CCL17: variants seen among roughly 807,000 people sequenced by gnomAD.
The protein encoded by CCL17 is C-C motif chemokine 17.
In CCL17, 8 loss-of-function variants were observed where a neutral mutation model predicts 7.4. The ratio of observed to expected loss-of-function variants is 1.09; its 90% confidence interval spans 0.64 to 1.96. CCL17 has a LOEUF of 1.96. Among genes scored for constraint, CCL17 ranks in the 30% most tolerant of loss-of-function variants. CCL17 has a pLI of 0.00. For missense variants in CCL17, 102 were observed against 113.0 expected (o/e 0.90, Z 0.44); for synonymous variants, 40 against 46.1 (o/e 0.87, Z 0.54).
upstream of CCL17, among the ~76,000 whole-genome samples, chr16:57,403,715 G>C (rs541203307): frequency 1.1e-3 from 140 of 128,568 alleles, no homozygotes; most frequent in Middle Eastern, 7.4e-3. Context: ...GGAGTGTAGT[G>C]GTGTGATCTT....
At chr16:57,397,344 G>A in the CCL17 span, among the ~76,000 whole-genome samples, 1 of 152,180 alleles carries the variant, frequency 6.6e-6, no homozygotes. Context: ...TTTTCCACTG[G>A]CTGCCCTCTT....
At chr16:57,398,782 T>G in the CCL17 span, among the ~76,000 whole-genome samples, 1 of 152,238 alleles carries the variant, frequency 6.6e-6, no homozygotes, top group South Asian at 2.1e-4. Flanking sequence ...AGTAGCCTGC[T>G]GGCATGAGGC....
In CCL17 at chr16:57,415,819, G is replaced by A; in HGVS notation, c.243G>A (p.Val81=). ...AICSDPNNKR[V]KNAVKYLQSL... Reference sequence around the variant, plus strand: ...GTTCGGACCCCAACAACAAGAGAGTGAAGAATGCAGTTAAATACCTGCAAA... The same window carrying A: ...GTTCGGACCCCAACAACAAGAGAGTAAAGAATGCAGTTAAATACCTGCAAA... The change falls in exon 4 of 4, where the codon GTG becomes GTA. Residue 81 remains valine, a synonymous_variant. Coordinates refer to ENST00000219244, the MANE Select transcript of CCL17 (RefSeq NM_002987.3). This position sits in a 1 kb window ranked among gnomAD's most constrained non-coding sequence, Gnocchi z 4.5. The A allele has an allele frequency of 6.2e-7, 1 of 1,613,536 alleles. No homozygotes were observed. Among genetic ancestry groups the A allele is most frequent in the East Asian group, 2.2e-5 (1 of 44,872 alleles).
chr16:57,398,085 G>A, the CCL17 span, among the ~76,000 whole-genome samples: 1 of 152,080 alleles, frequency 6.6e-6, no homozygotes, highest in Non-Finnish European at 1.5e-5. Flanking sequence ...TGAAGCACCG[G>A]TCCCTCAAGG....
At chr16:57,403,562 TAA>T (rs1902644519), upstream of CCL17, among the ~76,000 whole-genome samples, 2 of 49,118 alleles carry the variant, frequency 4.1e-5, no homozygotes, top group Non-Finnish European at 7.0e-5. Context: ...TATATATATA[TAA>T]TATATATTTA....
intron 2 of CCL17, 90 bp downstream of exon 2, chr16:57,414,092 G>A (rs1298118106): frequency 3.0e-6 from 3 of 1,006,162 alleles, no homozygotes; most frequent in Non-Finnish European, 2.9e-6. Flanking sequence ...ACACGTTTGT[G>A]TATTATTTAC....
intron 2 of CCL17, 121 bp from the exon 3 acceptor site, chr16:57,414,960 A>T: frequency 4.2e-6 from 3 of 722,416 alleles, no homozygotes; most frequent in South Asian, 1.5e-5. Context: ...ACATGCAGTC[A>T]TCACACACAG....
chr16:57,408,873 C>A (rs890454982), intron 1 of CCL17, among the ~76,000 whole-genome samples: 2 of 152,068 alleles, frequency 1.3e-5, no homozygotes, highest in East Asian at 3.9e-4. Flanking sequence ...TGCGCCTGGT[C>A]ATTTTTTTGC....
chr16:57,403,592 AT>A (rs1448644129), upstream of CCL17, among the ~76,000 whole-genome samples: 2 of 63,432 alleles, frequency 3.2e-5, no homozygotes, highest in Non-Finnish European at 5.6e-5. Context: ...TATAATATAT[AT>A]TTATAATATA....
At chr16:57,397,317 G>C in the CCL17 span, among the ~76,000 whole-genome samples, 1 of 152,214 alleles carries the variant, frequency 6.6e-6, no homozygotes, top group East Asian at 1.9e-4. Context: ...GAAAACTTTG[G>C]TGGAGGGTCT....
the CCL17 span, among the ~76,000 whole-genome samples, chr16:57,397,269 G>C: frequency 6.6e-6 from 1 of 152,178 alleles, no homozygotes; most frequent in African/African-American, 2.4e-5. Context: ...CTGTAAATAG[G>C]GATTTGGCCA....
the CCL17 span, among the ~76,000 whole-genome samples, chr16:57,397,586 G>T: frequency 6.6e-6 from 1 of 152,138 alleles, no homozygotes; most frequent in Non-Finnish European, 1.5e-5. Context: ...CTTCAGCAGT[G>T]TAAGACTGCC....
At chr16:57,401,689 G>A (rs533696034), upstream of CCL17, among the ~76,000 whole-genome samples, 35 of 152,274 alleles carry the variant, frequency 2.3e-4, no homozygotes, top group African/African-American at 7.9e-4. Flanking sequence ...GGAGGAAAGC[G>A]GGGCTCAGTG....
At chr16:57,402,410 G>T (rs1303588935), upstream of CCL17, among the ~76,000 whole-genome samples, 1 of 152,192 alleles carries the variant, frequency 6.6e-6, no homozygotes, top group Non-Finnish European at 1.5e-5. Flanking sequence ...CACTGACCCT[G>T]GTGCTGAACA....
At chr16:57,413,846 G>A (rs536558920) in intron 1 of CCL17, 28 bp from the exon 2 acceptor site, 299 of 1,198,500 alleles carry the variant, frequency 2.5e-4, no homozygotes, top group East Asian at 2.2e-3. Flanking sequence ...AGGTTAAATA[G>A]GTCACTGCCA....
intron 1 of CCL17, among the ~76,000 whole-genome samples, chr16:57,405,511 G>A (rs1902681499): frequency 6.6e-6 from 1 of 152,174 alleles, no homozygotes; most frequent in Non-Finnish European, 1.5e-5. Context: ...GTGTGAGAGG[G>A]AACTCGGTTT....
upstream of CCL17, among the ~76,000 whole-genome samples, chr16:57,400,165 C>T (rs549384126): frequency 2.0e-5 from 3 of 152,126 alleles, no homozygotes; most frequent in African/African-American, 2.4e-5. Context: ...CGAGACCATC[C>T]TGGCTAACGC....
At chr16:57,409,234 G>A (rs223896) in intron 1 of CCL17, among the ~76,000 whole-genome samples, 74,509 of 152,042 alleles carry the variant, frequency 0.49, 19,892 homozygotes, top group Non-Finnish European at 0.61. Context: ...TCTAAAATAA[G>A]AGTAGGAGTG....
rs1425642969 is a variant in CCL17 at position 57,415,962 on chromosome 16, G to T, written c.*101G>T. On this transcript the variant is annotated 3_prime_UTR_variant, in exon 4 of 4. Coordinates refer to ENST00000219244, the MANE Select transcript of CCL17 (RefSeq NM_002987.3). This position sits in a 1 kb window ranked among gnomAD's most constrained non-coding sequence, Gnocchi z 4.5. ...CCCTGAGCGCCTGGGTCCAGGGGAGGCCTTCCAGGGACGAAGAAGAGCCAC... is the reference window on the plus strand; with the variant it reads ...CCCTGAGCGCCTGGGTCCAGGGGAGTCCTTCCAGGGACGAAGAAGAGCCAC... The T allele has an allele frequency of 6.9e-6, 5 of 729,010 alleles. No individual in the cohort carries two copies. Among genetic ancestry groups the T allele is most frequent in the Non-Finnish European group, 1.2e-5 (5 of 411,102 alleles). The allele number at this position is 729,010 out of a possible 1,614,324, so 45.2% of individuals were successfully genotyped here. A position where few individuals can be genotyped will look rare whatever the true frequency, so the allele number is the denominator to read the frequency against.
Sources: allele counts gnomAD v4.1 joint callset (sites outside exome capture counted in the v4.1 genomes callset), GRCh38; gene constraint gnomAD v4.1.1; non-coding constraint Gnocchi (gnomAD v3.1); transcripts MANE v1.5; gene names NCBI Gene and HGNC (gene_info 2026-07-23, HGNC 2026-07-21).